ARID1B: variants seen among roughly 807,000 people sequenced by gnomAD.
ARID1B encodes the protein AT-rich interactive domain-containing protein 1B.
ARID1B carries 30 observed loss-of-function variants against 212.3 expected under a neutral mutation model. That is an observed-to-expected ratio of 0.14 (90% CI 0.11 to 0.19). ARID1B has a LOEUF of 0.19. ARID1B is among the 10% of genes least tolerant of loss of function. The probability of loss-of-function intolerance (pLI) is 1.00; values close to 1 mark genes in which losing one functional copy is unlikely to be tolerated. For missense variants in ARID1B, 2,891 were observed against 3,204.0 expected (o/e 0.90, Z 2.36); for synonymous variants, 1,402 against 1,301.7 (o/e 1.08, Z -1.66).
chr6:156,870,007 G>C (rs1463681394), intron 2 of ARID1B: 2 of 152,204 alleles, frequency 1.3e-5, no homozygotes, highest in Non-Finnish European at 2.9e-5. Context: ...AGCAGTGGCT[G>C]GGGCAGGGTG....
At chr6:156,934,979 T>C (rs1582983276) in intron 3 of ARID1B, among the ~76,000 whole-genome samples, 1 of 143,292 alleles carries the variant, frequency 7.0e-6, no homozygotes, top group Admixed American at 7.1e-5. Context: ...ATTTCTGCTG[T>C]TATTCACTGC....
chr6:156,785,039 T>C (rs1451107210), intron 1 of ARID1B, among the ~76,000 whole-genome samples: 1 of 152,164 alleles, frequency 6.6e-6, no homozygotes, highest in African/African-American at 2.4e-5. Flanking sequence ...GGATTACAGA[T>C]GTGAACCATC....
intron 4 of ARID1B, among the ~76,000 whole-genome samples, chr6:157,079,672 A>G (rs946788979): frequency 6.6e-6 from 1 of 152,206 alleles, no homozygotes; most frequent in African/African-American, 2.4e-5. Context: ...TTTATGGTAA[A>G]TATTTAGAAA....
chr6:157,078,376 CA>C (rs1258876123), intron 4 of ARID1B, among the ~76,000 whole-genome samples: 1 of 151,900 alleles, frequency 6.6e-6, no homozygotes, highest in Non-Finnish European at 1.5e-5. Context: ...TCTATATACC[CA>C]AAAAAAGCTT....
chr6:157,097,600 G>A (rs905705605), intron 5 of ARID1B, among the ~76,000 whole-genome samples: 5 of 152,190 alleles, frequency 3.3e-5, no homozygotes, highest in African/African-American at 1.2e-4. Context: ...ACGAAGCGTT[G>A]GAACCCAGAA....
chr6:157,028,614 A>C (rs1583175959), intron 4 of ARID1B, among the ~76,000 whole-genome samples: 1 of 152,248 alleles, frequency 6.6e-6, no homozygotes, highest in Non-Finnish European at 1.5e-5. Context: ...CGCTGGAAGT[A>C]TGGAAATGAT....
At chr6:157,070,810 G>A (rs1783963982) in intron 4 of ARID1B, among the ~76,000 whole-genome samples, 1 of 152,208 alleles carries the variant, frequency 6.6e-6, no homozygotes, top group Admixed American at 6.5e-5. Flanking sequence ...CCTGTAAGAA[G>A]CCCATAGAAA....
chr6:156,937,384 G>A (rs1043837163), intron 4 of ARID1B: 2 of 152,140 alleles, frequency 1.3e-5, no homozygotes, highest in African/African-American at 4.8e-5. Context: ...GGAGAGGTTC[G>A]ACCTTGTAGA....
intron 4 of ARID1B, among the ~76,000 whole-genome samples, chr6:157,003,596 A>G (rs1381695776): frequency 6.6e-6 from 1 of 152,208 alleles, no homozygotes; most frequent in Admixed American, 6.5e-5. Flanking sequence ...TGGGAAAAGG[A>G]GCAAGGTCAT....
intron 19 of ARID1B, chr6:157,204,213 T>A: frequency 2.0e-6 from 1 of 512,370 alleles, no homozygotes; most frequent in Non-Finnish European, 3.4e-6. Flanking sequence ...CCTCTATTTC[T>A]TATGAGAGAA....
intron 3 of ARID1B, among the ~76,000 whole-genome samples, chr6:156,911,338 GTTTTTTTT>G (rs57374747): frequency 9.5e-6 from 1 of 105,362 alleles, no homozygotes; most frequent in Non-Finnish European, 2.0e-5. Flanking sequence ...TAAATAATTA[GTTTTTTTT>G]TTTTTTTTTT....
chr6:156,833,588 T>G, intron 2 of ARID1B, among the ~76,000 whole-genome samples: 1 of 152,298 alleles, frequency 6.6e-6, no homozygotes, highest in East Asian at 1.9e-4. Flanking sequence ...GCTTTTATGA[T>G]GGGAAAACAT....
At chr6:156,788,858 G>T (rs1219640503) in intron 1 of ARID1B, among the ~76,000 whole-genome samples, 1 of 152,116 alleles carries the variant, frequency 6.6e-6, no homozygotes, top group Non-Finnish European at 1.5e-5. Flanking sequence ...ATTCTATTAT[G>T]AACAAATACT....
intron 4 of ARID1B, among the ~76,000 whole-genome samples, chr6:157,053,756 T>G (rs952807130): frequency 6.6e-6 from 1 of 152,174 alleles, no homozygotes; most frequent in African/African-American, 2.4e-5. Flanking sequence ...TGATTTATTA[T>G]GATAGCATGA....
At chr6:157,189,372 G>A (rs1328002946) in intron 13 of ARID1B, among the ~76,000 whole-genome samples, 2 of 152,228 alleles carry the variant, frequency 1.3e-5, no homozygotes, top group African/African-American at 4.8e-5. Context: ...TAAGTATCCA[G>A]TCAAAAGATA....
In ARID1B at chr6:157,077,346, T is replaced by A. The variant is rs186906000; in HGVS notation, c.2248-7316T>A. ...TCTTCTAATAATATTAAGACTCACT[T>A]TCTGGACCTCTGTGGCTCCCTGGTT... On this transcript the variant is annotated intron_variant, in intron 4 of 19. Transcript: ENST00000636930. Among the ~76,000 whole-genome samples the A allele has an allele frequency of 4.6e-5, 7 of 152,328 alleles. 1 individual carries two copies. Among genetic ancestry groups the A allele is most frequent in the Admixed American group, 3.3e-4 (5 of 15,306 alleles).
intron 2 of ARID1B, among the ~76,000 whole-genome samples, chr6:156,850,630 A>G (rs894099372): frequency 6.6e-6 from 1 of 152,212 alleles, no homozygotes; most frequent in Non-Finnish European, 1.5e-5. Context: ...TTTAATGTAT[A>G]GGCAGTTTAA....
chr6:157,030,512 G>A (rs1325277075), intron 4 of ARID1B: 1 of 152,254 alleles, frequency 6.6e-6, no homozygotes, highest in Non-Finnish European at 1.5e-5. Flanking sequence ...GTGATACCAA[G>A]AGTTCAAGAT....
intron 4 of ARID1B, chr6:156,976,805 C>G (rs1777279820): frequency 1.8e-6 from 1 of 564,048 alleles, no homozygotes; most frequent in Non-Finnish European, 3.4e-6. Context: ...GGAAAAACTC[C>G]TAACTCAGTT....
Sources: gnomAD v4.1 joint callset for allele counts (sites outside exome capture counted in the v4.1 genomes callset) on GRCh38, gnomAD v4.1.1 for gene constraint, MANE v1.5 for transcripts, NCBI Gene and HGNC (gene_info 2026-07-23, HGNC 2026-07-21) for gene names.